DDX60L: variants seen among roughly 807,000 people sequenced by gnomAD.
DDX60L encodes the protein DExD/H-box 60 like.
A neutral mutation model predicts 211.6 loss-of-function variants in DDX60L; 191 were observed. That is an observed-to-expected ratio of 0.90 (90% confidence interval 0.80 to 1.02). The LOEUF (loss-of-function observed/expected upper bound fraction) is 1.02. Ranked by LOEUF, DDX60L falls within the 50% of genes least tolerant of loss-of-function variation. The pLI, the probability that DDX60L is intolerant of heterozygous loss-of-function variation, is 0.00. For missense variants in DDX60L, 2,007 were observed against 1,984.1 expected (o/e 1.01, Z -0.22); for synonymous variants, 706 against 694.1 (o/e 1.02, Z -0.27).
Position 168,416,744 on chromosome 4 carries a change from G to C in DDX60L, c.2664C>G (p.Val888=), listed in dbSNP as rs369657966. The C allele has an allele frequency of 6.2e-7, 1 of 1,608,092 alleles. No homozygotes were observed. The highest frequency in any genetic ancestry group is 1.3e-5 in the African/African-American group (1 of 74,542). ...VGAKFWELLL[V]IIRCPFLVLS... ...GAACCAAAAAGGGACATCGAATAAT[G>C]ACAAGGAGGAGCTCCCAAAATTTTG... is the stretch of plus-strand genomic sequence containing the variant. Residue 888 remains valine, a synonymous_variant, in exon 20 of 38, where the codon GTC becomes GTG. Transcript: ENST00000682922.
intron 14 of DDX60L, among the ~76,000 whole-genome samples, 197 bp downstream of exon 14, chr4:168,426,873 G>A (rs1441576876): frequency 6.6e-6 from 1 of 151,988 alleles, no homozygotes; most frequent in African/African-American, 2.4e-5. Context: ...TCCCTGTTGG[G>A]ACCCTCTGTC....
At chr4:168,401,716 A>T (rs1746844515) in intron 25 of DDX60L, among the ~76,000 whole-genome samples, 1 of 152,232 alleles carries the variant, frequency 6.6e-6, no homozygotes. Flanking sequence ...AGTTCACCAT[A>T]GAATTTTTTC....
chr4:168,442,686 G>A (rs1222179464), intron 9 of DDX60L, among the ~76,000 whole-genome samples: 63 of 150,600 alleles, frequency 4.2e-4, no homozygotes, highest in Admixed American at 7.3e-4. Flanking sequence ...ATCTGAGAAC[G>A]GGCAGACTGC....
chr4:168,400,776 A>G lies in DDX60L; in HGVS notation c.3491+50T>C, dbSNP rs749119754. Reference sequence around the variant, plus strand: ...AAACATTTCTGACAGTGTCTTGTAAATATTTTAGTCTTCAGGGGCCAATTT... The same window carrying G: ...AAACATTTCTGACAGTGTCTTGTAAGTATTTTAGTCTTCAGGGGCCAATTT... On this transcript the variant is annotated intron_variant, in intron 26 of 37. Coordinates refer to ENST00000682922, the MANE Select transcript of DDX60L (RefSeq NM_001012967.3). 5 of 1,478,150 alleles carry G rather than the reference A, an allele frequency of 3.4e-6. No homozygotes were observed. The East Asian group carries it at 1.2e-4, about 34-fold the overall frequency. The allele number at this position is 1,478,150 out of a possible 1,614,324, so 91.6% of individuals were successfully genotyped here. A position where few individuals can be genotyped will look rare whatever the true frequency, so the allele number is the denominator to read the frequency against.
Position 168,453,258 on chromosome 4 carries a change from G to T in DDX60L, c.862C>A (p.Gln288Lys), listed in dbSNP as rs1208689863. ...AGTCTGCAGAAATCTTCCACCTCCTGCAGGGATAGGCAATTACTGTGCACC... is the reference window on the plus strand; with the variant it reads ...AGTCTGCAGAAATCTTCCACCTCCTTCAGGGATAGGCAATTACTGTGCACC... ...VLVHSNCLSL[Q>K]EVEDFCRLRC... is the part of the protein sequence containing the mutation. Residue 288 changes from glutamine to lysine, a missense_variant, in exon 8 of 38, where the codon CAG (glutamine) becomes AAG (lysine). Transcript: ENST00000682922. 1.2e-6 allele frequency: 2 copies of T among 1,612,038 alleles called. No individual in the cohort carries two copies. Among genetic ancestry groups the T allele is most frequent in the African/African-American group, 2.7e-5 (2 of 74,870 alleles).
At position 168,366,912 on chromosome 4, in the gene DDX60L, G is replaced by A. The variant is rs116931106; in HGVS notation, c.4928+4700C>T. ...ACACACGAGGGAAAAGGGAATGTGT[G>A]TTTAATATGTTATGCCATTATATTA... On this transcript the variant is annotated intron_variant, in intron 36 of 37. Transcript: ENST00000682922. Among the ~76,000 whole-genome samples, 14 of 151,656 alleles carry A rather than the reference G, an allele frequency of 9.2e-5. No individual in the cohort carries two copies. In the East Asian group the frequency reaches 2.5e-3, roughly 27 times the overall value.
intron 13 of DDX60L, among the ~76,000 whole-genome samples, chr4:168,427,603 CAAAGA>C (rs1359921702): frequency 6.6e-6 from 1 of 152,028 alleles, no homozygotes; most frequent in East Asian, 1.9e-4. Flanking sequence ...TGGAAGAAAA[CAAAGA>C]AGAGAAAGAG....
intron 35 of DDX60L, 40 bp from the exon 36 acceptor site, chr4:168,371,803 TA>T: frequency 6.5e-7 from 1 of 1,539,376 alleles, no homozygotes; most frequent in Non-Finnish European, 8.9e-7. Flanking sequence ...TACTGATATG[TA>T]AAGAGTAACT....
intron 5 of DDX60L, among the ~76,000 whole-genome samples, chr4:168,460,611 ATAACAC>A (rs1757193913): frequency 6.6e-6 from 1 of 151,442 alleles, no homozygotes; most frequent in African/African-American, 2.4e-5. Context: ...TTCTTTACTT[ATAACAC>A]TAACAAAAAA....
chr4:168,462,493 A>T (rs559628842), intron 4 of DDX60L, among the ~76,000 whole-genome samples: 8 of 152,270 alleles, frequency 5.3e-5, no homozygotes, highest in African/African-American at 1.9e-4. Context: ...AAAAGTGGGC[A>T]AAGGACATAA....
intron 24 of DDX60L, among the ~76,000 whole-genome samples, chr4:168,405,478 C>T (rs1747589546): frequency 6.6e-6 from 1 of 152,176 alleles, no homozygotes; most frequent in African/African-American, 2.4e-5. Flanking sequence ...GCCTGAGCCT[C>T]TTTCAGGTAT....
chr4:168,397,293 C>T (rs961009838), intron 26 of DDX60L, among the ~76,000 whole-genome samples: 9 of 152,156 alleles, frequency 5.9e-5, no homozygotes, highest in African/African-American at 2.2e-4. Flanking sequence ...TACTATGTGC[C>T]AGGCAATATG....
chr4:168,390,996 G>A (rs1324918871), intron 29 of DDX60L, among the ~76,000 whole-genome samples: 1 of 151,592 alleles, frequency 6.6e-6, no homozygotes, highest in Non-Finnish European at 1.5e-5. Flanking sequence ...TCCCAAGAAG[G>A]TGAATGGTAT....
chr4:168,410,057 G>A (rs1490108795), intron 22 of DDX60L, among the ~76,000 whole-genome samples: 1 of 152,068 alleles, frequency 6.6e-6, no homozygotes, highest in Non-Finnish European at 1.5e-5. Flanking sequence ...ATGGCACTAT[G>A]AGCTAGCTAT....
intron 29 of DDX60L, among the ~76,000 whole-genome samples, chr4:168,391,026 A>T (rs888744375): frequency 6.6e-6 from 1 of 152,146 alleles, no homozygotes; most frequent in African/African-American, 2.4e-5. Context: ...GGAATTTGGA[A>T]AACAGGTGGT....
At chr4:168,439,537 A>G (rs1753529587) in intron 10 of DDX60L, among the ~76,000 whole-genome samples, 1 of 152,306 alleles carries the variant, frequency 6.6e-6, no homozygotes, top group South Asian at 2.1e-4. Flanking sequence ...ATCTCTTAAC[A>G]TGTGTATCCT....
intron 14 of DDX60L, among the ~76,000 whole-genome samples, chr4:168,425,235 A>G (rs1751264963): frequency 6.6e-6 from 1 of 152,238 alleles, no homozygotes; most frequent in African/African-American, 2.4e-5. Context: ...GGCAATTCCT[A>G]TCTGATATGG....
intron 12 of DDX60L, among the ~76,000 whole-genome samples, chr4:168,431,486 T>C (rs1752328959): frequency 6.8e-6 from 1 of 148,010 alleles, no homozygotes; most frequent in Admixed American, 7.1e-5. Context: ...TCTGAAAAGT[T>C]TTACCAGTTC....
chr4:168,372,199 C>T (rs1479203215), intron 35 of DDX60L, among the ~76,000 whole-genome samples: 1 of 151,856 alleles, frequency 6.6e-6, no homozygotes, highest in African/African-American at 2.4e-5. Flanking sequence ...TCCCTGTGCT[C>T]ACAGGGAGAA....
Sources: allele counts gnomAD v4.1 joint callset (sites outside exome capture counted in the v4.1 genomes callset), GRCh38; gene constraint gnomAD v4.1.1; transcripts MANE v1.5; gene names NCBI Gene and HGNC (gene_info 2026-07-23, HGNC 2026-07-21).